ERC1: variants seen among roughly 807,000 people sequenced by gnomAD.
The protein encoded by ERC1 is ELKS/RAB6-interacting/CAST family member 1, also known as RAB6 interacting protein 2.
A neutral mutation model predicts 132.0 loss-of-function variants in ERC1; 56 were observed. That is an observed-to-expected ratio of 0.42 (90% CI 0.34 to 0.53). The LOEUF (loss-of-function observed/expected upper bound fraction) is 0.53, where lower values mean the gene tolerates loss of function less well. Ranked by LOEUF, ERC1 falls within the 20% of genes least tolerant of loss-of-function variation. The pLI is 0.03. For missense variants in ERC1, 1,202 were observed against 1,349.9 expected (o/e 0.89, Z 1.72); for synonymous variants, 478 against 476.1 (o/e 1.00, Z -0.05).
intron 12 of ERC1, among the ~76,000 whole-genome samples, chr12:1,230,027 G>C (rs1433306597): frequency 1.2e-5 from 1 of 86,094 alleles, no homozygotes; most frequent in Non-Finnish European, 2.2e-5. Flanking sequence ...TTTTTTTTGA[G>C]TTGGAGTCTC....
chr12:1,270,315 C>T (rs1281488545), intron 14 of ERC1, among the ~76,000 whole-genome samples: 8 of 152,128 alleles, frequency 5.3e-5, no homozygotes, highest in Admixed American at 2.6e-4. Flanking sequence ...TCAAGCGATT[C>T]TTGGGCCTCA....
Position 1,028,481 on chromosome 12 carries a change from A to C in ERC1, c.578A>C (p.Glu193Ala), listed in dbSNP as rs1439160367. The change falls in exon 2 of 19, where the codon GAG (glutamate) becomes GCG (alanine). Residue 193 changes from glutamate to alanine, a missense_variant. Transcript: ENST00000360905. The stretch of plus-strand genomic sequence containing the variant: ...AGCATCAAGACCTTCTGGAGCCCAG[A>C]GCTGAAGAAGGAACGAGCCCTGAGA... Reference protein sequence around the residue: ...MNSIKTFWSPELKKERALRKD... With the variant: ...MNSIKTFWSPALKKERALRKD... 4 of 1,614,154 alleles carry C rather than the reference A, an allele frequency of 2.5e-6. No homozygotes were observed. In the African/African-American group the frequency reaches 4.0e-5, roughly 16 times the overall value.
intron 16 of ERC1, among the ~76,000 whole-genome samples, chr12:1,392,472 A>AT (rs2090057363): frequency 6.6e-6 from 1 of 152,138 alleles, no homozygotes; most frequent in South Asian, 2.1e-4. Context: ...TTAAGTTATA[A>AT]TTTTCATTAC....
chr12:1,186,699 T>A (rs537033618), intron 11 of ERC1, among the ~76,000 whole-genome samples: 21 of 152,328 alleles, frequency 1.4e-4, no homozygotes, highest in Admixed American at 1.3e-3. Context: ...GAGAAGAAAA[T>A]GAAGGCATGA....
rs2094328851 is a variant in ERC1 at position 1,492,801 on chromosome 12, G to A, written c.*2571G>A. ...GGATGCAGTTTGTAGCTTTCAGAGTGTCTCATTGAGTCTAGATCATTGAAC... is the reference window on the plus strand; with the variant it reads ...GGATGCAGTTTGTAGCTTTCAGAGTATCTCATTGAGTCTAGATCATTGAAC... On this transcript the variant is annotated 3_prime_UTR_variant, in exon 19 of 19. Transcript: ENST00000360905. The A allele has an allele frequency of 4.3e-6, 1 of 231,702 alleles. No homozygotes were observed. Among genetic ancestry groups the A allele is most frequent in the Admixed American group, 5.6e-5 (1 of 17,746 alleles). 14.4% of individuals were successfully genotyped at this position (231,702 alleles called of 1,614,324 possible).
intron 1 of ERC1, among the ~76,000 whole-genome samples, chr12:1,011,937 A>C (rs900618200): frequency 4.7e-5 from 7 of 149,716 alleles, no homozygotes; most frequent in Non-Finnish European, 9.0e-5. Flanking sequence ...ACAGAGTGAG[A>C]CTCTGAAAAA....
At chr12:1,324,533 G>A (rs887785716) in intron 15 of ERC1, among the ~76,000 whole-genome samples, 9 of 152,114 alleles carry the variant, frequency 5.9e-5, no homozygotes, top group African/African-American at 2.2e-4. Context: ...TCTCAGAGAC[G>A]GTCACTGGGG....
At chr12:1,428,786 G>T (rs2154402890) in intron 17 of ERC1, among the ~76,000 whole-genome samples, 1 of 152,326 alleles carries the variant, frequency 6.6e-6, no homozygotes, top group Non-Finnish European at 1.5e-5. Flanking sequence ...CTGTTTTGCA[G>T]TTCTTAGACA....
rs531271736 is a variant in ERC1 at position 1,467,838 on chromosome 12, G to A, written c.3214-22255G>A. 1.5e-4 allele frequency among the ~76,000 whole-genome samples: 23 copies of A among 152,300 alleles called. No homozygotes were observed. In the East Asian group the frequency reaches 3.5e-3, roughly 23 times the overall value. Reference sequence around the variant, plus strand: ...CATTAGATTCTCATAAGGAGCACGCGGCCTAGATCCCTCGCGTGCGTGGTT... The same window carrying A: ...CATTAGATTCTCATAAGGAGCACGCAGCCTAGATCCCTCGCGTGCGTGGTT... On this transcript the variant is annotated intron_variant, in intron 18 of 18. Transcript: ENST00000360905.
intron 14 of ERC1, among the ~76,000 whole-genome samples, chr12:1,266,209 T>C (rs2077467067): frequency 6.6e-6 from 1 of 152,098 alleles, no homozygotes; most frequent in Admixed American, 6.6e-5. Context: ...TGTCCACCTT[T>C]CTGCTACTCA....
intron 1 of ERC1, among the ~76,000 whole-genome samples, chr12:1,006,845 A>G (rs939264702): frequency 7.2e-5 from 11 of 151,842 alleles, no homozygotes; most frequent in African/African-American, 1.9e-4. Flanking sequence ...TAAATTTTTC[A>G]TTTTTATAGT....
At chr12:1,420,419 G>A (rs1279852225) in intron 17 of ERC1, among the ~76,000 whole-genome samples, 1 of 151,858 alleles carries the variant, frequency 6.6e-6, no homozygotes, top group African/African-American at 2.4e-5. Flanking sequence ...AAGTTGTTTT[G>A]CTTTGTGAGG....
At chr12:1,002,387 A>C (rs534563893) in intron 1 of ERC1, among the ~76,000 whole-genome samples, 1 of 142,018 alleles carries the variant, frequency 7.0e-6, no homozygotes, top group Non-Finnish European at 1.5e-5. Flanking sequence ...GAGTTTTACT[A>C]TGCTGCTCAG....
At chr12:1,301,167 T>C (rs748691342) in intron 15 of ERC1, among the ~76,000 whole-genome samples, 1 of 151,012 alleles carries the variant, frequency 6.6e-6, no homozygotes, top group East Asian at 2.0e-4. Flanking sequence ...CAGAGTGATA[T>C]AATCGACTTT....
At chr12:1,049,747 C>CTTTTTT (rs35361881) in intron 2 of ERC1, among the ~76,000 whole-genome samples, 1 of 113,016 alleles carries the variant, frequency 8.8e-6, no homozygotes, top group Non-Finnish European at 1.8e-5. Flanking sequence ...GTTTTGTGAT[C>CTTTTTT]TTTTTTTTTT....
chr12:1,438,964 TATATATAA>T (rs2093026605), intron 17 of ERC1, among the ~76,000 whole-genome samples: 1 of 149,864 alleles, frequency 6.7e-6, no homozygotes, highest in Non-Finnish European at 1.5e-5. Flanking sequence ...AATATATATA[TATATATAA>T]AAAATGACAT....
intron 7 of ERC1, among the ~76,000 whole-genome samples, chr12:1,128,177 A>G (rs1414418449): frequency 6.6e-6 from 1 of 152,148 alleles, no homozygotes; most frequent in Non-Finnish European, 1.5e-5. Flanking sequence ...GTGGATTGTA[A>G]TCTCCCCTGA....
At chr12:1,052,911 C>T (rs893903419) in intron 2 of ERC1, among the ~76,000 whole-genome samples, 72 of 151,546 alleles carry the variant, frequency 4.8e-4, no homozygotes, top group African/African-American at 1.7e-3. Flanking sequence ...TGGAGGTTGC[C>T]GTGAGCCAAG....
In ERC1 at chr12:1,492,431, T is replaced by C; in HGVS notation, c.*2201T>C. ...GGAACCAAGACAGCAGGCGAGGCCA[T>C]GCCTAAACAAGTGGTCTGGCACGGG... On this transcript the variant is annotated 3_prime_UTR_variant, in exon 19 of 19. Coordinates refer to ENST00000360905, the MANE Select transcript of ERC1 (RefSeq NM_178040.4). The C allele has an allele frequency of 4.3e-6, 1 of 233,268 alleles. No homozygotes were observed. Among genetic ancestry groups the C allele is most frequent in the East Asian group, 6.0e-5 (1 of 16,592 alleles). The allele number at this position is 233,268 out of a possible 1,614,324, so 14.4% of individuals were successfully genotyped here. A position where few individuals can be genotyped will look rare whatever the true frequency, so the allele number is the denominator to read the frequency against.
Sources: gnomAD v4.1 joint callset for allele counts (sites outside exome capture counted in the v4.1 genomes callset) on GRCh38, gnomAD v4.1.1 for gene constraint, MANE v1.5 for transcripts, NCBI Gene and HGNC (gene_info 2026-07-23, HGNC 2026-07-21) for gene names.